TPCN1: variants seen among roughly 807,000 people sequenced by gnomAD.
The protein encoded by TPCN1 is two pore channel protein 1.
In TPCN1, 52 loss-of-function variants were observed where a neutral mutation model predicts 108.8. The ratio of observed to expected loss-of-function variants is 0.48; its 90% confidence interval spans 0.38 to 0.60. The LOEUF is 0.60. Among genes scored for constraint, TPCN1 ranks in the 20% least tolerant of loss-of-function variants. The pLI is 0.00. For synonymous variants in TPCN1, 446 were observed against 433.7 expected (o/e 1.03, Z -0.35); for missense variants, 806 against 1,072.8 (o/e 0.75, Z 3.47).
In TPCN1 at chr12:113,289,631, A is replaced by C. The variant is rs74471600; in HGVS notation, c.1797-497A>C. 0.083 allele frequency among the ~76,000 whole-genome samples: 12,612 copies of C among 152,308 alleles called. 681 individuals are homozygous for C. The highest frequency in any genetic ancestry group is 0.17 in the Middle Eastern group (50 of 294). On this transcript the variant is annotated intron_variant, in intron 21 of 27. Transcript: ENST00000335509. This position sits in a 1 kb window ranked among gnomAD's most constrained non-coding sequence, Gnocchi z 4.1. ...TATAAACATTAGCATGGATATTAAC[A>C]GAACAGCCATAAAAGATTGGAAGGA... is the stretch of plus-strand genomic sequence containing the variant.
In TPCN1 at chr12:113,272,630, T is replaced by C. The variant is rs537633023; in HGVS notation, c.749-28T>C. 6.3e-5 allele frequency: 101 copies of C among 1,610,626 alleles called. No homozygotes were observed. The East Asian group carries it at 2.1e-3, about 33-fold the overall frequency. ...TTTTGGGACCTCTGCTCTAATCCTT[T>C]TGTTTATCTGTTTCCACCCACTTCT... On this transcript the variant is annotated intron_variant, in intron 7 of 27. Transcript: ENST00000335509. This position sits in a 1 kb window ranked among gnomAD's most constrained non-coding sequence, Gnocchi z 4.1.
chr12:113,229,875 G>T (rs959173985), intron 2 of TPCN1, among the ~76,000 whole-genome samples: 1 of 152,194 alleles, frequency 6.6e-6, no homozygotes, highest in African/African-American at 2.4e-5. Flanking sequence ...CCCTCTATGG[G>T]GGTTGGGGAG....
intron 2 of TPCN1, chr12:113,245,827 C>T (rs1227376167): frequency 5.0e-6 from 2 of 398,508 alleles, no homozygotes; most frequent in Middle Eastern, 4.1e-4. Context: ...AAGCCTTCCC[C>T]TCCTGCCTGT....
chr12:113,260,781 A>G (rs1249363388), intron 3 of TPCN1, among the ~76,000 whole-genome samples: 1 of 152,070 alleles, frequency 6.6e-6, no homozygotes, highest in Non-Finnish European at 1.5e-5. Flanking sequence ...CTCAGGGCAC[A>G]CTGAGAGGCC....
chr12:113,265,337 T>A (rs548453876), intron 3 of TPCN1, among the ~76,000 whole-genome samples: 34 of 152,170 alleles, frequency 2.2e-4, no homozygotes, highest in Non-Finnish European at 4.4e-4. Flanking sequence ...TCCTTTATCG[T>A]TGAAGAAGCT....
At chr12:113,239,791 C>T (rs963229883) in intron 2 of TPCN1, among the ~76,000 whole-genome samples, 1 of 152,242 alleles carries the variant, frequency 6.6e-6, no homozygotes, top group African/African-American at 2.4e-5. Context: ...GCTTCCCCGT[C>T]GCCGCCCTAC....
chr12:113,290,635 G>A (rs1313109346), intron 22 of TPCN1, among the ~76,000 whole-genome samples: 1 of 152,186 alleles, frequency 6.6e-6, no homozygotes, highest in Non-Finnish European at 1.5e-5. Flanking sequence ...GGCGAACACA[G>A]CCAAACCGCC....
At chr12:113,249,687 T>C (rs1421134295) in intron 2 of TPCN1, 4 of 152,242 alleles carry the variant, frequency 2.6e-5, no homozygotes, top group Admixed American at 2.6e-4. Flanking sequence ...AAAAACGAAG[T>C]ACTAGGAGAA....
At chr12:113,224,770 G>C (rs1455110113) in intron 1 of TPCN1, among the ~76,000 whole-genome samples, 1 of 150,596 alleles carries the variant, frequency 6.6e-6, no homozygotes, top group Non-Finnish European at 1.5e-5. Context: ...TTATTTATTT[G>C]AGGTGGAATC....
At chr12:113,230,689 C>T (rs781250607) in intron 2 of TPCN1, among the ~76,000 whole-genome samples, 1 of 152,158 alleles carries the variant, frequency 6.6e-6, no homozygotes, top group Admixed American at 6.5e-5. Flanking sequence ...TTCCTGACCT[C>T]GAGTGATCTA....
intron 2 of TPCN1, among the ~76,000 whole-genome samples, chr12:113,238,332 A>C (rs1307337222): frequency 6.6e-6 from 1 of 152,224 alleles, no homozygotes; most frequent in Non-Finnish European, 1.5e-5. Flanking sequence ...TTCCTTAAAA[A>C]ACATGATTTA....
rs1027353843 is a variant in TPCN1, at chr12:113,231,308, G to A, written c.112+4344G>A. Among the ~76,000 whole-genome samples, 2 of 152,192 alleles carry A rather than the reference G, an allele frequency of 1.3e-5. No individual in the cohort carries two copies. The highest frequency in any genetic ancestry group is 2.9e-5 in the Non-Finnish European group (2 of 68,024). On this transcript the variant is annotated intron_variant, in intron 2 of 27. Coordinates refer to ENST00000335509, the MANE Select transcript of TPCN1 (RefSeq NM_017901.6). The surrounding 1 kb of genome is among the most constrained non-coding windows in gnomAD (Gnocchi z 4.3). ...CAAGACCAAGGTGTCAGCAGGTTTG[G>A]TTTCTTGCGAAGCCTCTTTCCTTGG...
intron 11 of TPCN1, 86 bp downstream of exon 11, chr12:113,277,121 C>A (rs1955701270): frequency 7.5e-6 from 12 of 1,599,196 alleles, no homozygotes; most frequent in Non-Finnish European, 1.0e-5. Flanking sequence ...AGGCCAGCCA[C>A]TTTAGAAACC....
intron 2 of TPCN1, among the ~76,000 whole-genome samples, chr12:113,252,110 G>A (rs1954660359): frequency 6.6e-6 from 1 of 152,126 alleles, no homozygotes; most frequent in Non-Finnish European, 1.5e-5. Flanking sequence ...CTGTCTCAGT[G>A]GTCCTTGTGG....
At chr12:113,285,836 G>A in intron 17 of TPCN1, 53 bp from the exon 18 acceptor site, 1 of 1,499,198 alleles carries the variant, frequency 6.7e-7, no homozygotes, top group South Asian at 1.1e-5. Context: ...AGGAGACCGA[G>A]CATGGGGGAG....
At chr12:113,261,433 T>C (rs1955029591) in intron 3 of TPCN1, among the ~76,000 whole-genome samples, 1 of 145,996 alleles carries the variant, frequency 6.8e-6, no homozygotes, top group Non-Finnish European at 1.5e-5. Flanking sequence ...TTTTTTTTTT[T>C]CTTTTTTTGG....
chr12:113,293,593 T>G lies in TPCN1; in HGVS notation c.2334+244T>G, dbSNP rs917614315. ...TGCCGCCATATGTCCCTGCCCCTTATGAATTCTCCAGAACCTCCTCTCCAT... is the reference window on the plus strand; with the variant it reads ...TGCCGCCATATGTCCCTGCCCCTTAGGAATTCTCCAGAACCTCCTCTCCAT... On this transcript the variant is annotated intron_variant, in intron 27 of 27. Coordinates refer to ENST00000335509, the MANE Select transcript of TPCN1 (RefSeq NM_017901.6). Among the ~76,000 whole-genome samples the G allele has an allele frequency of 2.0e-5, 3 of 152,228 alleles. No individual in the cohort carries two copies. The East Asian group carries it at 5.8e-4, about 29-fold the overall frequency.
rs750644969 is a variant in TPCN1, at chr12:113,288,800, C to T, written c.1749C>T (p.Ile583=). Residue 583 remains isoleucine, a synonymous_variant, in exon 21 of 28, where the codon ATC becomes ATT. Transcript: ENST00000335509. This position sits in a 1 kb window ranked among gnomAD's most constrained non-coding sequence, Gnocchi z 4.8. Reference sequence around the variant, plus strand: ...TCATCTTTTACTACTCCTTCGCCATCGTGGGCATGGAGTTCTTCTGCGGGA... The same window carrying T: ...TCATCTTTTACTACTCCTTCGCCATTGTGGGCATGGAGTTCTTCTGCGGGA... The part of the protein sequence containing the change: ...TLLIFYYSFA[I]VGMEFFCGIV... The T allele has an allele frequency of 6.8e-6, 11 of 1,613,430 alleles. No individual in the cohort carries two copies. Among genetic ancestry groups the T allele is most frequent in the African/African-American group, 2.7e-5 (2 of 74,920 alleles).
intron 2 of TPCN1, among the ~76,000 whole-genome samples, chr12:113,257,218 G>A (rs1593132512): frequency 6.6e-6 from 1 of 152,170 alleles, no homozygotes; most frequent in South Asian, 2.1e-4. Flanking sequence ...TTGGCCAGGC[G>A]CAGCAGCCCA....
Sources: allele counts gnomAD v4.1 joint callset (sites outside exome capture counted in the v4.1 genomes callset), GRCh38; gene constraint gnomAD v4.1.1; non-coding constraint Gnocchi (gnomAD v3.1); transcripts MANE v1.5; gene names NCBI Gene and HGNC (gene_info 2026-07-23, HGNC 2026-07-21).